The following UTRN variants were observed in gnomAD, a reference collection of about 807,000 sequenced individuals.
UTRN encodes utrophin.
In UTRN, 283 loss-of-function variants were observed where a neutral mutation model predicts 463.9. That is an observed-to-expected ratio of 0.61 (90% CI 0.55 to 0.67). The LOEUF is 0.67. UTRN is among the 30% of genes least tolerant of loss of function. The pLI, the probability that UTRN is intolerant of heterozygous loss-of-function variation, is 0.00. For missense variants in UTRN, 3,922 were observed against 4,084.3 expected (o/e 0.96, Z 1.08); for synonymous variants, 1,442 against 1,431.5 (o/e 1.01, Z -0.17).
intron 2 of UTRN, among the ~76,000 whole-genome samples, chr6:144,339,212 A>C (rs1371450765): frequency 6.6e-6 from 1 of 152,220 alleles, no homozygotes; most frequent in Non-Finnish European, 1.5e-5. Context: ...CTATGGAAGA[A>C]AAGAACATTT....
At chr6:144,779,188 G>T (rs1775599619) in intron 60 of UTRN, among the ~76,000 whole-genome samples, 1 of 152,158 alleles carries the variant, frequency 6.6e-6, no homozygotes, top group Admixed American at 6.5e-5. Context: ...TGTGTTACTG[G>T]CATAATTAAT....
At chr6:144,811,508 G>A (rs1411885815) in intron 65 of UTRN, among the ~76,000 whole-genome samples, 1 of 152,078 alleles carries the variant, frequency 6.6e-6, no homozygotes, top group African/African-American at 2.4e-5. Flanking sequence ...TTAAGGTGAG[G>A]TTTGGGCAAA....
chr6:144,490,817 A>T, intron 31 of UTRN, 112 bp from the exon 32 acceptor site: 4 of 1,246,482 alleles, frequency 3.2e-6, no homozygotes, highest in Non-Finnish European at 4.3e-6. Flanking sequence ...ATATTTCTGA[A>T]TTTTTTTCTT....
intron 33 of UTRN, among the ~76,000 whole-genome samples, chr6:144,494,620 G>GT (rs775009178): frequency 9.9e-5 from 15 of 152,228 alleles, no homozygotes; most frequent in South Asian, 4.1e-4. Flanking sequence ...CGAGTGGTCT[G>GT]TTTTGACAGG....
intron 51 of UTRN, among the ~76,000 whole-genome samples, chr6:144,675,359 G>T (rs1156586718): frequency 1.3e-5 from 2 of 152,320 alleles, no homozygotes; most frequent in East Asian, 3.9e-4. Context: ...AGTGGAGGCT[G>T]CAGGGGAGTG....
intron 50 of UTRN, among the ~76,000 whole-genome samples, chr6:144,565,230 C>T (rs1278966601): frequency 1.3e-5 from 2 of 152,050 alleles, no homozygotes; most frequent in Admixed American, 6.6e-5. Context: ...TACCATTCAC[C>T]GAATTGGGAA....
chr6:144,737,453 A>G (rs1013736755), intron 54 of UTRN, among the ~76,000 whole-genome samples: 2 of 152,210 alleles, frequency 1.3e-5, no homozygotes, highest in Non-Finnish European at 2.9e-5. Context: ...TTCAACAGTA[A>G]AAGAAAACTG....
chr6:144,705,627 A>G (rs1464295904), intron 53 of UTRN, among the ~76,000 whole-genome samples: 1 of 152,098 alleles, frequency 6.6e-6, no homozygotes, highest in Non-Finnish European at 1.5e-5. Context: ...TCCCAATACC[A>G]TCACTATGGG....
At chr6:144,423,308 C>T (rs988710180) in intron 4 of UTRN, among the ~76,000 whole-genome samples, 1 of 152,074 alleles carries the variant, frequency 6.6e-6, no homozygotes, top group African/African-American at 2.4e-5. Context: ...TATGAAGCTG[C>T]CTAGGAGATT....
chr6:144,299,088 C>G (rs1805008311), intron 2 of UTRN, among the ~76,000 whole-genome samples: 1 of 152,172 alleles, frequency 6.6e-6, no homozygotes, highest in African/African-American at 2.4e-5. Flanking sequence ...TAACATTGAT[C>G]CAGTCAATAT....
intron 37 of UTRN, among the ~76,000 whole-genome samples, chr6:144,515,390 T>G (rs1258730252): frequency 1.3e-5 from 2 of 152,158 alleles, no homozygotes; most frequent in East Asian, 1.9e-4. Flanking sequence ...ATGATGAAAC[T>G]AATTCCCAAG....
chr6:144,429,648 A>G lies in UTRN; in HGVS notation c.762A>G (p.Leu254=). ...ATTTAACATCTTTGTTTGAGGTGCTACCTCAGCAAGTCACCATAGACGCCA... is the reference window on the plus strand; with the variant it reads ...ATTTAACATCTTTGTTTGAGGTGCTGCCTCAGCAAGTCACCATAGACGCCA... The part of the protein sequence containing the change: ...IMYLTSLFEV[L]PQQVTIDAIR... Residue 254 remains leucine, a synonymous_variant, in exon 9 of 75, where the codon CTA becomes CTG. Transcript: ENST00000367545. 1.2e-6 allele frequency: 2 copies of G among 1,612,992 alleles called. No homozygotes were observed. Among genetic ancestry groups the G allele is most frequent in the Non-Finnish European group, 1.7e-6 (2 of 1,179,490 alleles).
Position 144,447,340 on chromosome 6 carries a change from A to G in UTRN, c.1722+22A>G, listed in dbSNP as rs746680361. The G allele has an allele frequency of 3.4e-5, 55 of 1,604,080 alleles. 1 individual carries two copies. In the South Asian group the frequency reaches 5.7e-4, roughly 16 times the overall value. ...GGCTGTAAGTGATGGGGTTGTCAGC[A>G]TCTGTGTTGTAAGCCTATGATATCT... On this transcript the variant is annotated intron_variant, in intron 15 of 74. Coordinates refer to ENST00000367545, the MANE Select transcript of UTRN (RefSeq NM_007124.3).
intron 50 of UTRN, among the ~76,000 whole-genome samples, chr6:144,571,918 C>T (rs1800976355): frequency 6.6e-6 from 1 of 152,156 alleles, no homozygotes; most frequent in African/African-American, 2.4e-5. Context: ...CTTTCTAGGC[C>T]TGCTGCACAG....
At chr6:144,406,363 T>C (rs1783409589) in intron 3 of UTRN, among the ~76,000 whole-genome samples, 3 of 30,942 alleles carry the variant, frequency 9.7e-5, no homozygotes, top group African/African-American at 1.5e-4. Flanking sequence ...TTTCTTTTTT[T>C]TTTTTTTTTT....
chr6:144,547,833 A>G (rs1798546149), intron 46 of UTRN, among the ~76,000 whole-genome samples: 1 of 152,202 alleles, frequency 6.6e-6, no homozygotes, highest in Admixed American at 6.5e-5. Flanking sequence ...ATAACCAGAA[A>G]TTTGAATTAA....
intron 65 of UTRN, among the ~76,000 whole-genome samples, chr6:144,816,080 T>C (rs538746565): frequency 6.6e-6 from 1 of 152,256 alleles, no homozygotes; most frequent in Admixed American, 6.5e-5. Flanking sequence ...TGGATCAAGT[T>C]GCAGATTTGT....
intron 3 of UTRN, among the ~76,000 whole-genome samples, chr6:144,416,479 G>A (rs947849625): frequency 6.6e-6 from 1 of 152,122 alleles, no homozygotes; most frequent in Admixed American, 6.5e-5. Context: ...GCAGTTGTTT[G>A]CAGCCCTTGC....
chr6:144,591,312 T>G (rs1179646519), intron 51 of UTRN, among the ~76,000 whole-genome samples: 1 of 152,164 alleles, frequency 6.6e-6, no homozygotes, highest in African/African-American at 2.4e-5. Flanking sequence ...AATAAATCTT[T>G]GAAATTTTCC....
Sources: gnomAD v4.1 joint callset for allele counts (sites outside exome capture counted in the v4.1 genomes callset) on GRCh38, gnomAD v4.1.1 for gene constraint, MANE v1.5 for transcripts, NCBI Gene and HGNC (gene_info 2026-07-23, HGNC 2026-07-21) for gene names.